Variants in PTPRD observed in about 807,000 individuals in gnomAD.
PTPRD encodes protein tyrosine phosphatase receptor type D.
Under a neutral mutation model 214.5 loss-of-function variants are expected in PTPRD, and 34 were observed. The ratio of observed to expected loss-of-function variants is 0.16; its 90% CI spans 0.12 to 0.21. The LOEUF (loss-of-function observed/expected upper bound fraction) is 0.21. PTPRD is among the 10% of genes least tolerant of loss of function. PTPRD has a pLI of 1.00. For missense variants in PTPRD, 2,545 were observed against 2,398.7 expected, an observed-to-expected ratio of 1.06 and a Z score of -1.27; for synonymous variants, 1,128 against 845.7, an observed-to-expected ratio of 1.33 and a Z score of -5.79.
At chr9:8,619,623 T>C (rs2095745660) in intron 14 of PTPRD, among the ~76,000 whole-genome samples, 1 of 152,030 alleles carries the variant, frequency 6.6e-6, no homozygotes, top group African/African-American at 2.4e-5. Context: ...ATTCAGCTCT[T>C]ACATCCCACT....
intron 5 of PTPRD, among the ~76,000 whole-genome samples, chr9:9,788,438 G>C (rs1389167433): frequency 2.0e-5 from 3 of 151,468 alleles, no homozygotes; most frequent in Non-Finnish European, 4.4e-5. Flanking sequence ...TGTAGTCCCA[G>C]CTGCTGGGGA....
At chr9:9,360,979 C>T (rs924699978) in intron 9 of PTPRD, among the ~76,000 whole-genome samples, 4 of 151,086 alleles carry the variant, frequency 2.6e-5, no homozygotes, top group African/African-American at 9.7e-5. Flanking sequence ...AACTGCAGTG[C>T]CAAATAGAGA....
intron 3 of PTPRD, among the ~76,000 whole-genome samples, chr9:10,067,898 T>C (rs1291026662): frequency 1.3e-5 from 2 of 151,934 alleles, no homozygotes; most frequent in African/African-American, 4.8e-5. Flanking sequence ...ACTCCCATTA[T>C]GGTCAATTTC....
intron 2 of PTPRD, among the ~76,000 whole-genome samples, chr9:10,580,402 ATAAGTC>A (rs1346016565): frequency 6.6e-6 from 1 of 152,206 alleles, no homozygotes; most frequent in African/African-American, 2.4e-5. Flanking sequence ...AATGTAAAGT[ATAAGTC>A]TATGTGCCTA....
At chr9:9,947,493 ATATATATTT>A (rs1195372432) in intron 4 of PTPRD, among the ~76,000 whole-genome samples, 3 of 32,674 alleles carry the variant, frequency 9.2e-5, no homozygotes, top group African/African-American at 2.7e-4. Flanking sequence ...TATATATATT[ATATATATTT>A]TATATATATA....
chr9:8,530,319 A>G (rs909699899), intron 14 of PTPRD, among the ~76,000 whole-genome samples: 3 of 151,978 alleles, frequency 2.0e-5, no homozygotes, highest in Non-Finnish European at 2.9e-5. Flanking sequence ...CAACTCTCTC[A>G]TAGGAAATTT....
chr9:10,543,479 T>TATACAC (rs1555502598), intron 2 of PTPRD, among the ~76,000 whole-genome samples: 13 of 145,082 alleles, frequency 9.0e-5, no homozygotes, highest in African/African-American at 3.4e-4. Flanking sequence ...TATATATATA[T>TATACAC]ACACACACAC....
intron 3 of PTPRD, among the ~76,000 whole-genome samples, chr9:10,261,058 G>A (rs2093666536): frequency 1.5e-5 from 2 of 132,592 alleles, no homozygotes; most frequent in African/African-American, 3.0e-5. Flanking sequence ...TTATATATGT[G>A]TATATATATT....
At chr9:10,224,833 C>G (rs993752299) in intron 3 of PTPRD, among the ~76,000 whole-genome samples, 2 of 152,034 alleles carry the variant, frequency 1.3e-5, no homozygotes, top group African/African-American at 4.8e-5. Flanking sequence ...CTCTACTTAA[C>G]AGCTAGTAAA....
chr9:9,794,174 C>A (rs2098986407), intron 5 of PTPRD, among the ~76,000 whole-genome samples: 1 of 146,108 alleles, frequency 6.8e-6, no homozygotes, highest in African/African-American at 2.6e-5. Flanking sequence ...TATATATATA[C>A]ATGTATATAT....
At chr9:10,537,383 C>A (rs1309169454) in intron 2 of PTPRD, among the ~76,000 whole-genome samples, 1 of 152,058 alleles carries the variant, frequency 6.6e-6, no homozygotes, top group Non-Finnish European at 1.5e-5. Flanking sequence ...TGTTCTTGAA[C>A]TTGTTTTTGC....
chr9:10,332,970 C>T (rs935193550), intron 3 of PTPRD, among the ~76,000 whole-genome samples: 14 of 151,766 alleles, frequency 9.2e-5, no homozygotes, highest in Non-Finnish European at 1.9e-4. Flanking sequence ...TTGTTGCTAC[C>T]GCCTTCAAGT....
intron 3 of PTPRD, among the ~76,000 whole-genome samples, chr9:10,110,799 G>A (rs1216948615): frequency 1.3e-5 from 2 of 152,148 alleles, no homozygotes; most frequent in African/African-American, 2.4e-5. Flanking sequence ...GGATATGACA[G>A]CCTCCTTTTC....
intron 14 of PTPRD, among the ~76,000 whole-genome samples, chr9:8,605,238 AT>A (rs2095134774): frequency 6.6e-6 from 1 of 152,242 alleles, no homozygotes; most frequent in African/African-American, 2.4e-5. Context: ...ATTTTGAAGT[AT>A]ATTAAACCTG....
chr9:8,547,929 T>C lies in PTPRD; in HGVS notation c.353-19150A>G, dbSNP rs151034822. 5.3e-5 allele frequency among the ~76,000 whole-genome samples: 8 copies of C among 152,328 alleles called. No individual in the cohort carries two copies. In the East Asian group the frequency reaches 1.5e-3, roughly 29 times the overall value. On this transcript the variant is annotated intron_variant, in intron 14 of 45. Transcript: ENST00000381196. ...TTGAACACCTCTCAGACTCTCTGTG[T>C]AAAACATTGCTCAGCACCTGACAGC...
chr9:9,910,162 A>G (rs1333071672), intron 5 of PTPRD, among the ~76,000 whole-genome samples: 1 of 151,962 alleles, frequency 6.6e-6, no homozygotes, highest in African/African-American at 2.4e-5. Flanking sequence ...CCAGGATTAA[A>G]TAAGTTACAT....
At chr9:9,511,465 A>G (rs2096707247) in intron 8 of PTPRD, among the ~76,000 whole-genome samples, 1 of 151,768 alleles carries the variant, frequency 6.6e-6, no homozygotes, top group Non-Finnish European at 1.5e-5. Context: ...ATCTAGGCTG[A>G]TAGAAATTTA....
Position 10,517,153 on chromosome 9 carries a change from T to C in PTPRD, c.-600+95245A>G, listed in dbSNP as rs2050407699. Among the ~76,000 whole-genome samples the C allele has an allele frequency of 2.6e-5, 4 of 152,020 alleles. 1 individual carries two copies. Among genetic ancestry groups the C allele is most frequent in the Admixed American group, 2.6e-4 (4 of 15,266 alleles). ...ATTGCACTGAATCTGTAGATAATTT[T>C]AGGTAGTATAGACATGTAAACAGTA... On this transcript the variant is annotated intron_variant, in intron 2 of 45. Transcript: ENST00000381196.
chr9:10,345,261 G>T (rs1397892196), intron 2 of PTPRD, among the ~76,000 whole-genome samples: 1 of 151,980 alleles, frequency 6.6e-6, no homozygotes, highest in East Asian at 1.9e-4. Context: ...AATTTATAGT[G>T]AACATTTTTT....
Sources: gnomAD v4.1 joint callset for allele counts (sites outside exome capture counted in the v4.1 genomes callset) on GRCh38, gnomAD v4.1.1 for gene constraint, MANE v1.5 for transcripts, NCBI Gene and HGNC (gene_info 2026-07-23, HGNC 2026-07-21) for gene names.